CELSR1: variants seen among roughly 807,000 people sequenced by gnomAD.
CELSR1 encodes the protein cadherin EGF LAG seven-pass G-type receptor 1.
A neutral mutation model predicts 249.1 loss-of-function variants in CELSR1; 110 were observed. The observed-to-expected ratio is 0.44, with a 90% CI of 0.38 to 0.52. CELSR1 has a LOEUF of 0.52. Ranked by LOEUF, CELSR1 falls within the 20% of genes least tolerant of loss-of-function variation. The pLI is 0.00. For missense variants in CELSR1, 4,109 were observed against 4,296.4 expected (o/e 0.96, Z 1.22); for synonymous variants, 2,113 against 1,900.0 (o/e 1.11, Z -2.92).
intron 29 of CELSR1, 74 bp from the exon 30 acceptor site, chr22:46,366,554 C>G: frequency 8.1e-7 from 1 of 1,232,964 alleles, no homozygotes; most frequent in Non-Finnish European, 1.2e-6. Context: ...TGACTCTGTC[C>G]CCACGGCAAG....
At chr22:46,377,930 G>A (rs1179479671) in intron 23 of CELSR1, among the ~76,000 whole-genome samples, 4 of 152,200 alleles carry the variant, frequency 2.6e-5, no homozygotes, top group East Asian at 1.9e-4. Context: ...GGGAGGGGCC[G>A]GGGGAGGCTA....
chr22:46,506,829 T>C lies in CELSR1; in HGVS notation c.3544+26798A>G, dbSNP rs918299116. On this transcript the variant is annotated intron_variant, in intron 1 of 34. Transcript: ENST00000674500. The surrounding 1 kb of genome is among the most constrained non-coding windows in gnomAD (Gnocchi z 4.1). ...AGCTGAGGCCAAGCCCGGGGGTGTC[T>C]TCTCCACGGTCTGTCACCCGCACCA... Among the ~76,000 whole-genome samples the C allele has an allele frequency of 3.3e-5, 5 of 152,208 alleles. No homozygotes were observed. The highest frequency in any genetic ancestry group is 4.8e-5 in the African/African-American group (2 of 41,448).
At chr22:46,460,534 A>G (rs537676698) in intron 2 of CELSR1, among the ~76,000 whole-genome samples, 2 of 152,350 alleles carry the variant, frequency 1.3e-5, no homozygotes, top group South Asian at 2.1e-4. Flanking sequence ...GAGCCAAGTC[A>G]GAGCCTGAGC....
rs1413295983 is a variant in CELSR1, at chr22:46,396,544, T to C, written c.5843+61A>G. ...AAAATAAGAAAGAGAAGACACTGAG[T>C]CGAGGGAACACAGCCACATGGACTC... On this transcript the variant is annotated intron_variant, in intron 13 of 34. Transcript: ENST00000674500. This position sits in a 1 kb window ranked among gnomAD's most constrained non-coding sequence, Gnocchi z 6.4. 1 of 1,425,454 alleles carries C rather than the reference T, an allele frequency of 7.0e-7. No individual in the cohort carries two copies. Among genetic ancestry groups the C allele is most frequent in the Non-Finnish European group, 9.2e-7 (1 of 1,085,962 alleles). 88.3% of individuals were successfully genotyped at this position (1,425,454 alleles called of 1,614,324 possible).
chr22:46,381,347 G>T lies in CELSR1; in HGVS notation c.7089-392C>A, dbSNP rs1239240548. On this transcript the variant is annotated intron_variant, in intron 21 of 34. Coordinates refer to ENST00000674500, the MANE Select transcript of CELSR1 (RefSeq NM_001378328.1). This position sits in a 1 kb window ranked among gnomAD's most constrained non-coding sequence, Gnocchi z 6.0. ...CAGTCACTGAGAACCACGTGAACAC[G>T]AGGATCCCAGAGCCAGGGAAGTATC... Among the ~76,000 whole-genome samples, 1 of 152,212 alleles carries T rather than the reference G, an allele frequency of 6.6e-6. No homozygotes were observed.
rs2079080716 is a variant in CELSR1, at chr22:46,390,694, G to A, written c.6251-208C>T. 6.6e-6 allele frequency among the ~76,000 whole-genome samples: 1 copy of A among 152,162 alleles called. No homozygotes were observed. Among genetic ancestry groups the A allele is most frequent in the African/African-American group, 2.4e-5 (1 of 41,444 alleles). On this transcript the variant is annotated intron_variant, in intron 16 of 34. Coordinates refer to ENST00000674500, the MANE Select transcript of CELSR1 (RefSeq NM_001378328.1). This position sits in a 1 kb window ranked among gnomAD's most constrained non-coding sequence, Gnocchi z 6.3. The stretch of plus-strand genomic sequence containing the variant: ...TCTGACACTGACAACCAGGCGTTTC[G>A]GGAGCCCAGCCAACAGGAGCCAGCA...
Position 46,399,986 on chromosome 22 carries a change from T to C in CELSR1, c.5227-84A>G. 1 of 1,394,828 alleles carries C rather than the reference T, an allele frequency of 7.2e-7. No individual in the cohort carries two copies. Among genetic ancestry groups the C allele is most frequent in the Admixed American group, 2.0e-5 (1 of 48,972 alleles). The allele number at this position is 1,394,828 out of a possible 1,614,324, so 86.4% of individuals were successfully genotyped here. On this transcript the variant is annotated intron_variant, in intron 9 of 34. Coordinates refer to ENST00000674500, the MANE Select transcript of CELSR1 (RefSeq NM_001378328.1). This position sits in a 1 kb window ranked among gnomAD's most constrained non-coding sequence, Gnocchi z 5.0. ...TTTGCAGTCACTTAAACAAGGAAGC[T>C]GTGAAAGGAGACTGATTATGTGGCA...
intron 3 of CELSR1, 135 bp downstream of exon 3, chr22:46,439,054 G>C (rs2079703368): frequency 1.1e-6 from 1 of 870,792 alleles, no homozygotes; most frequent in East Asian, 2.5e-5. Flanking sequence ...CACCGCGCCT[G>C]GCCTGGAGCT....
At chr22:46,455,985 G>T (rs2147541187) in intron 2 of CELSR1, among the ~76,000 whole-genome samples, 1 of 152,348 alleles carries the variant, frequency 6.6e-6, no homozygotes, top group South Asian at 2.1e-4. Context: ...GACTTGAGAA[G>T]CACCAAGGAG....
chr22:46,431,861 C>T (rs1234838346), intron 5 of CELSR1, among the ~76,000 whole-genome samples: 1 of 152,228 alleles, frequency 6.6e-6, no homozygotes, highest in East Asian at 1.9e-4. Flanking sequence ...GAGCCCCTCA[C>T]CCCACCAGCC....
intron 5 of CELSR1, among the ~76,000 whole-genome samples, chr22:46,432,483 C>T (rs1045052718): frequency 6.6e-6 from 1 of 152,318 alleles, no homozygotes; most frequent in Non-Finnish European, 1.5e-5. Context: ...CCAGGAGGAG[C>T]CGGTAAGACC....
At position 46,536,754 on chromosome 22, in the gene CELSR1, G is replaced by C; in HGVS notation, c.417C>G (p.Cys139Trp). The change falls in exon 1 of 35, where the codon TGC (cysteine) becomes TGG (tryptophan). Residue 139 changes from cysteine (C) to tryptophan (W), a missense_variant. Around this residue, in one of 7 missense-constraint regions of CELSR1, gnomAD observed 673 missense variants for 636.8 expected, o/e 1.06. Transcript: ENST00000674500. ...CGAGCGCCGAATGCTGCGCGGCCGC[G>C]CAGCCGCCGGGGACGGGGAAGCAGA... ...GALCFPVPGG[C>W]AAAQHSALAA... is the part of the protein sequence containing the mutation. The C allele has an allele frequency of 2.6e-6, 3 of 1,159,692 alleles. No homozygotes were observed. The South Asian group carries it at 1.1e-4, about 44-fold the overall frequency. 71.8% of individuals were successfully genotyped at this position (1,159,692 alleles called of 1,614,324 possible).
rs145237234 is a variant in CELSR1, at chr22:46,402,951, GA to G, written c.5227-3050del. Among the ~76,000 whole-genome samples the G allele has an allele frequency of 0.012, 1,899 of 152,082 alleles. 44 individuals carry two copies. The highest frequency in any genetic ancestry group is 0.045 in the Middle Eastern group (13 of 292). On this transcript the variant is annotated intron_variant, in intron 9 of 34. Coordinates refer to ENST00000674500, the MANE Select transcript of CELSR1 (RefSeq NM_001378328.1). The surrounding 1 kb of genome is among the most constrained non-coding windows in gnomAD (Gnocchi z 5.0). The stretch of plus-strand genomic sequence containing the variant: ...AGAAAATGTTGAAAGTAAAAGGATA[GA>G]AAAAAATACATCATATAAATACCAA...
In CELSR1 at chr22:46,363,880, C is replaced by T. The variant is rs2078733781; in HGVS notation, c.9035+116G>A. The T allele has an allele frequency of 3.0e-6, 4 of 1,353,730 alleles. No homozygotes were observed. The highest frequency in any genetic ancestry group is 3.1e-5 in the South Asian group (2 of 64,152). The allele number at this position is 1,353,730 out of a possible 1,614,324, so 83.9% of individuals were successfully genotyped here. On this transcript the variant is annotated intron_variant, in intron 34 of 34. Transcript: ENST00000674500. This position sits in a 1 kb window ranked among gnomAD's most constrained non-coding sequence, Gnocchi z 4.3. ...CCCATCCCCGCCTGGGCTTCCTCTGCACTCAGGGCTCCAGGTGAGGTGGGT... is the reference window on the plus strand; with the variant it reads ...CCCATCCCCGCCTGGGCTTCCTCTGTACTCAGGGCTCCAGGTGAGGTGGGT...
At chr22:46,489,075 G>A (rs1055265078) in intron 1 of CELSR1, among the ~76,000 whole-genome samples, 5 of 152,026 alleles carry the variant, frequency 3.3e-5, no homozygotes, top group Non-Finnish European at 7.4e-5. Context: ...CCTTCCTGCT[G>A]GTCACCCAGA....
chr22:46,397,829 G>A lies in CELSR1; in HGVS notation c.5546C>T (p.Thr1849Met), dbSNP rs146305676. The A allele has an allele frequency of 4.5e-5, 71 of 1,580,472 alleles. No homozygotes were observed. Among genetic ancestry groups the A allele is most frequent in the Non-Finnish European group, 5.4e-5 (63 of 1,161,646 alleles). The change falls in exon 12 of 35, where the codon ACG (threonine) becomes ATG (methionine). Residue 1849 changes from threonine (T) to methionine (M), a missense_variant. Physicochemically the swap from Thr to Met is moderately conservative, Grantham distance 81 (BLOSUM62 -1). Around this residue, in one of 7 missense-constraint regions of CELSR1, gnomAD observed 1,805 missense variants for 1,831.6 expected, o/e 0.99. Transcript: ENST00000674500. The stretch of plus-strand genomic sequence containing the variant: ...GTTCAGGGTGGCGACGTTGGTGGGC[G>A]TCCCCCCCATCCTCACTCCCTGCAT... ...GCMQGVRMGG[T>M]PTNVATLNMN...
chr22:46,398,725 A>C lies in CELSR1; in HGVS notation c.5413-88T>G, dbSNP rs372841068. ...GATGGGAAGGATACACTGGAAGTCTAAACAGTCACTTCAACAAACTCCGCA... is the reference window on the plus strand; with the variant it reads ...GATGGGAAGGATACACTGGAAGTCTCAACAGTCACTTCAACAAACTCCGCA... On this transcript the variant is annotated intron_variant, in intron 10 of 34. Coordinates refer to ENST00000674500, the MANE Select transcript of CELSR1 (RefSeq NM_001378328.1). The surrounding 1 kb of genome is among the most constrained non-coding windows in gnomAD (Gnocchi z 7.2). 6.7e-6 allele frequency: 7 copies of C among 1,043,142 alleles called. 1 individual carries two copies. The highest frequency in any genetic ancestry group is 4.3e-4 in the Middle Eastern group (2 of 4,696). The allele number at this position is 1,043,142 out of a possible 1,614,324, so 64.6% of individuals were successfully genotyped here. A position where few individuals can be genotyped will look rare whatever the true frequency, so the allele number is the denominator to read the frequency against.
rs2080500022 is a variant in CELSR1 at position 46,504,877 on chromosome 22, A to G, written c.3544+28750T>C. Among the ~76,000 whole-genome samples the G allele has an allele frequency of 3.3e-5, 5 of 152,234 alleles. No homozygotes were observed. The South Asian group carries it at 1.0e-3, about 31-fold the overall frequency. The stretch of plus-strand genomic sequence containing the variant: ...AAACTAATGTTCCCTGAAATGTTAT[A>G]TGAAAAAGAAACTTGGAAACAAATA... On this transcript the variant is annotated intron_variant, in intron 1 of 34. Coordinates refer to ENST00000674500, the MANE Select transcript of CELSR1 (RefSeq NM_001378328.1).
intron 1 of CELSR1, among the ~76,000 whole-genome samples, chr22:46,503,781 G>C (rs1222580354): frequency 2.0e-5 from 3 of 152,208 alleles, no homozygotes; most frequent in African/African-American, 7.2e-5. Context: ...GGTAATCCCA[G>C]CACTTTGGGA....
Sources: gnomAD v4.1 joint callset for allele counts (sites outside exome capture counted in the v4.1 genomes callset) on GRCh38, gnomAD v4.1.1 for gene constraint, gnomAD v4.1.1 regional missense constraint, Gnocchi (gnomAD v3.1) non-coding constraint, MANE v1.5 for transcripts, NCBI Gene and HGNC (gene_info 2026-07-23, HGNC 2026-07-21) for gene names.